ADGRL2: variants seen among roughly 807,000 people sequenced by gnomAD.
The protein encoded by ADGRL2 is calcium-independent alpha-latrotoxin receptor 2.
ADGRL2 carries 44 observed loss-of-function variants against 157.4 expected under a neutral mutation model. The ratio of observed to expected loss-of-function variants is 0.28; its 90% confidence interval spans 0.22 to 0.36. ADGRL2 has a LOEUF of 0.36. Among genes scored for constraint, ADGRL2 ranks in the 10% least tolerant of loss-of-function variants. The probability of loss-of-function intolerance (pLI) is 1.00; values close to 1 mark genes in which losing one functional copy is unlikely to be tolerated. For missense variants in ADGRL2, 1,510 were observed against 1,768.9 expected, an observed-to-expected ratio of 0.85 and a Z score of 2.63; for synonymous variants, 585 against 624.7, an observed-to-expected ratio of 0.94 and a Z score of 0.95.
rs543206758 is a variant in ADGRL2, at chr1:81,912,689, C to T, written c.287+5459C>T. 5.4e-4 allele frequency among the ~76,000 whole-genome samples: 82 copies of T among 151,868 alleles called. 1 individual carries two copies. Among genetic ancestry groups the T allele is most frequent in the African/African-American group, 1.8e-3 (76 of 41,430 alleles). Reference sequence around the variant, plus strand: ...TTGCCATAAAAAAAAACGGAACAGACGTGGGAGAATTAATGTTTTAGAAGC... The same window carrying T: ...TTGCCATAAAAAAAAACGGAACAGATGTGGGAGAATTAATGTTTTAGAAGC... On this transcript the variant is annotated intron_variant, in intron 3 of 23. Coordinates refer to ENST00000686636, the MANE Select transcript of ADGRL2 (RefSeq NM_001366006.2).
chr1:81,673,583 C>T (rs1032848949), intron 3 of ADGRL2, among the ~76,000 whole-genome samples: 44 of 144,290 alleles, frequency 3.0e-4, no homozygotes, highest in Non-Finnish European at 4.8e-4. Flanking sequence ...GGCGCGATCT[C>T]GGCTCACTGC....
At position 81,737,112 on chromosome 1, in the gene ADGRL2, G is replaced by A. The variant is rs181032060; in HGVS notation, c.-142-24699G>A. On this transcript the variant is annotated intron_variant, in intron 1 of 20. Coordinates refer to the ADGRL2 transcript ENST00000359929. ...GCCTCCCAAAGTGCAGGGATTACAG[G>A]CATGAGCCACCATGCCCGGCCAACT... 2.5e-3 allele frequency among the ~76,000 whole-genome samples: 386 copies of A among 152,256 alleles called. 5 individuals are homozygous for A. Among genetic ancestry groups the A allele is most frequent in the East Asian group, 2.5e-3 (13 of 5,174 alleles).
At chr1:81,570,249 A>G (rs933694808) in intron 2 of ADGRL2, among the ~76,000 whole-genome samples, 61 of 152,308 alleles carry the variant, frequency 4.0e-4, no homozygotes, top group African/African-American at 1.4e-3. Flanking sequence ...CACAAAATAT[A>G]TTATTAGAAA....
chr1:81,725,643 A>T (rs1199232532), intron 1 of ADGRL2, among the ~76,000 whole-genome samples: 2 of 152,208 alleles, frequency 1.3e-5, no homozygotes, highest in Non-Finnish European at 2.9e-5. Flanking sequence ...TACTTGGTTT[A>T]ACTCAGGAAC....
intron 3 of ADGRL2, among the ~76,000 whole-genome samples, chr1:81,646,134 G>T (rs2082311996): frequency 6.6e-6 from 1 of 152,122 alleles, no homozygotes; most frequent in African/African-American, 2.4e-5. Context: ...TTGTGGGGTT[G>T]TTTGTTTTCA....
intron 2 of ADGRL2, among the ~76,000 whole-genome samples, chr1:81,477,760 C>T (rs6671535): frequency 0.087 from 13,203 of 152,176 alleles, 841 homozygotes; most frequent in East Asian, 0.29. Context: ...ACTTTGGTAA[C>T]GAAAAGCTAG....
chr1:81,549,721 C>T (rs2080099192), intron 2 of ADGRL2, among the ~76,000 whole-genome samples: 1 of 152,068 alleles, frequency 6.6e-6, no homozygotes, highest in African/African-American at 2.4e-5. Flanking sequence ...ATTCACACAA[C>T]CTGTAGAGGG....
At chr1:81,346,730 C>T (rs1350058954) in intron 1 of ADGRL2, among the ~76,000 whole-genome samples, 1 of 152,158 alleles carries the variant, frequency 6.6e-6, no homozygotes, top group Non-Finnish European at 1.5e-5. Flanking sequence ...AAGCAACTAG[C>T]ACCTTGATCT....
intron 1 of ADGRL2, among the ~76,000 whole-genome samples, chr1:81,353,870 C>A (rs1663090532): frequency 6.6e-6 from 1 of 152,150 alleles, no homozygotes; most frequent in Non-Finnish European, 1.5e-5. Context: ...TAAGTGAAAT[C>A]ATGCGAAAGG....
At chr1:81,566,718 A>G (rs552038143) in intron 2 of ADGRL2, among the ~76,000 whole-genome samples, 1 of 152,258 alleles carries the variant, frequency 6.6e-6, no homozygotes, top group East Asian at 1.9e-4. Context: ...GAGAACAGGA[A>G]AAGGGTGACT....
intron 15 of ADGRL2, among the ~76,000 whole-genome samples, chr1:81,969,803 A>G (rs1165918106): frequency 6.6e-6 from 1 of 152,136 alleles, no homozygotes; most frequent in Non-Finnish European, 1.5e-5. Context: ...GCTTCACCCT[A>G]TATTCATCTG....
rs563735641 is a variant in ADGRL2, at chr1:81,694,284, C to T, written c.-142-67527C>T. 3.3e-5 allele frequency among the ~76,000 whole-genome samples: 5 copies of T among 152,236 alleles called. No individual in the cohort carries two copies. In the East Asian group the frequency reaches 9.7e-4, roughly 29 times the overall value. On this transcript the variant is annotated intron_variant, in intron 3 of 24. Coordinates refer to the ADGRL2 transcript ENST00000370721. Reference sequence around the variant, plus strand: ...TCTCCAGATTCTACCTGAATTCAATCTTGGTTCAATTATTTGCTAGCAGTG... The same window carrying T: ...TCTCCAGATTCTACCTGAATTCAATTTTGGTTCAATTATTTGCTAGCAGTG...
At chr1:81,398,153 G>C (rs948933461) in intron 1 of ADGRL2, among the ~76,000 whole-genome samples, 1 of 151,830 alleles carries the variant, frequency 6.6e-6, no homozygotes, top group Admixed American at 6.6e-5. Context: ...GTTTCCATTT[G>C]CATGGAATAT....
At chr1:81,925,015 G>C (rs1157365406) in intron 3 of ADGRL2, among the ~76,000 whole-genome samples, 1 of 152,046 alleles carries the variant, frequency 6.6e-6, no homozygotes, top group Non-Finnish European at 1.5e-5. Context: ...GAAAATTCCT[G>C]AGGGGAGTTG....
At chr1:81,520,864 G>A (rs2079297640) in intron 2 of ADGRL2, among the ~76,000 whole-genome samples, 2 of 152,138 alleles carry the variant, frequency 1.3e-5, no homozygotes, top group Admixed American at 6.5e-5. Context: ...GAAGTCCTGA[G>A]AGACCCAGGC....
intron 1 of ADGRL2, among the ~76,000 whole-genome samples, chr1:81,433,493 A>G (rs12117327): frequency 0.17 from 26,034 of 152,060 alleles, 3,136 homozygotes; most frequent in East Asian, 0.63. Flanking sequence ...CTAGTCAGCA[A>G]CTGCCAAGTT....
At chr1:81,439,865 C>T (rs987475130) in intron 1 of ADGRL2, among the ~76,000 whole-genome samples, 1 of 152,144 alleles carries the variant, frequency 6.6e-6, no homozygotes, top group African/African-American at 2.4e-5. Flanking sequence ...TGTCCAGTGT[C>T]CAAGAAGAAT....
At chr1:81,511,319 T>C (rs2079070910) in intron 2 of ADGRL2, among the ~76,000 whole-genome samples, 1 of 130,080 alleles carries the variant, frequency 7.7e-6, no homozygotes, top group South Asian at 2.5e-4. Context: ...GGCAATAGAA[T>C]CCCTTGAGCC....
chr1:81,937,810 C>T (rs1318680935), intron 4 of ADGRL2, among the ~76,000 whole-genome samples: 1 of 151,644 alleles, frequency 6.6e-6, no homozygotes. Context: ...TTTCCAGAAC[C>T]TCAAAAGCTA....
Sources: allele counts gnomAD v4.1 joint callset (sites outside exome capture counted in the v4.1 genomes callset), GRCh38; gene constraint gnomAD v4.1.1; transcripts MANE v1.5; gene names NCBI Gene and HGNC (gene_info 2026-07-23, HGNC 2026-07-21).